Variants in GPATCH2 observed in about 807,000 individuals in gnomAD.
GPATCH2 encodes the protein G patch domain-containing protein 2.
In GPATCH2, 51 loss-of-function variants were observed where a neutral mutation model predicts 58.0. That is an observed-to-expected ratio of 0.88 (90% CI 0.70 to 1.11). GPATCH2 has a LOEUF of 1.11. Among genes scored for constraint, GPATCH2 ranks in the 50% most tolerant of loss-of-function variants. The pLI is 0.00. For missense variants in GPATCH2, 625 were observed against 652.2 expected, an observed-to-expected ratio of 0.96 and a Z score of 0.45; for synonymous variants, 222 against 218.5, an observed-to-expected ratio of 1.02 and a Z score of -0.14.
chr1:217,573,034 G>A (rs533462118), intron 5 of GPATCH2, among the ~76,000 whole-genome samples: 13 of 152,242 alleles, frequency 8.5e-5, no homozygotes, highest in East Asian at 5.8e-4. Context: ...AAGGAAGTCC[G>A]ACACAAAAGT....
intron 5 of GPATCH2, among the ~76,000 whole-genome samples, chr1:217,517,930 T>C (rs1217346540): frequency 3.9e-5 from 6 of 152,146 alleles, no homozygotes; most frequent in East Asian, 1.9e-4. Context: ...ACAATCCAAT[T>C]CTTATAATTG....
chr1:217,558,313 T>C (rs1334236488), intron 5 of GPATCH2, among the ~76,000 whole-genome samples: 1 of 152,168 alleles, frequency 6.6e-6, no homozygotes, highest in Non-Finnish European at 1.5e-5. Flanking sequence ...AAATGTAGTG[T>C]ATACTAAATA....
At chr1:217,575,398 T>C (rs1178141856) in intron 5 of GPATCH2, among the ~76,000 whole-genome samples, 1 of 152,186 alleles carries the variant, frequency 6.6e-6, no homozygotes, top group African/African-American at 2.4e-5. Flanking sequence ...TCTAGGTTTA[T>C]GTCAATTTTG....
At chr1:217,485,025 T>C (rs1469423561) in intron 8 of GPATCH2, among the ~76,000 whole-genome samples, 1 of 152,136 alleles carries the variant, frequency 6.6e-6, no homozygotes, top group Non-Finnish European at 1.5e-5. Context: ...GCTCATGTGA[T>C]TATGGAGGCT....
chr1:217,504,203 A>T (rs1300590633), intron 6 of GPATCH2, among the ~76,000 whole-genome samples: 1 of 152,168 alleles, frequency 6.6e-6, no homozygotes, highest in Non-Finnish European at 1.5e-5. Flanking sequence ...ACCCAGGAGT[A>T]AAAAAGGAAT....
chr1:217,541,639 A>C (rs958265325), intron 5 of GPATCH2, among the ~76,000 whole-genome samples: 2 of 152,220 alleles, frequency 1.3e-5, no homozygotes, highest in African/African-American at 4.8e-5. Flanking sequence ...AAATCATAAA[A>C]ATTAAGCTTC....
chr1:217,528,724 G>A (rs553027724), intron 5 of GPATCH2, among the ~76,000 whole-genome samples: 1 of 152,288 alleles, frequency 6.6e-6, no homozygotes, highest in Non-Finnish European at 1.5e-5. Flanking sequence ...TAAAAATGCT[G>A]CATTTGTGGA....
At chr1:217,568,041 C>T (rs1000067868) in intron 5 of GPATCH2, among the ~76,000 whole-genome samples, 1 of 152,108 alleles carries the variant, frequency 6.6e-6, no homozygotes, top group Admixed American at 6.6e-5. Flanking sequence ...GGTGTGAACC[C>T]AGGAGGCGGA....
chr1:217,509,874 G>A (rs998189810), intron 6 of GPATCH2, among the ~76,000 whole-genome samples: 1 of 152,110 alleles, frequency 6.6e-6, no homozygotes, highest in African/African-American at 2.4e-5. Context: ...GATAAATACT[G>A]TAATCAAGTA....
intron 3 of GPATCH2, among the ~76,000 whole-genome samples, chr1:217,612,885 A>T (rs1271491614): frequency 6.6e-6 from 1 of 152,166 alleles, no homozygotes; most frequent in African/African-American, 2.4e-5. Context: ...TCTCAAAGGG[A>T]TTTTAAGAAT....
chr1:217,607,479 T>TTA (rs1462929482), intron 5 of GPATCH2, among the ~76,000 whole-genome samples: 1 of 152,164 alleles, frequency 6.6e-6, no homozygotes, highest in Non-Finnish European at 1.5e-5. Context: ...GGGATGTGCC[T>TTA]TATAGAGAAA....
chr1:217,499,623 A>G (rs1452663468), intron 6 of GPATCH2, among the ~76,000 whole-genome samples: 1 of 152,122 alleles, frequency 6.6e-6, no homozygotes, highest in Non-Finnish European at 1.5e-5. Context: ...GGGAATGTAC[A>G]TTTATTGGTA....
intron 1 of GPATCH2, among the ~76,000 whole-genome samples, chr1:217,627,961 T>G (rs1212253569): frequency 6.6e-6 from 1 of 152,116 alleles, no homozygotes; most frequent in Non-Finnish European, 1.5e-5. Context: ...TAATTCATTA[T>G]AGCTCTTGTC....
intron 6 of GPATCH2, among the ~76,000 whole-genome samples, chr1:217,499,835 A>G (rs1173013077): frequency 6.6e-6 from 1 of 151,904 alleles, no homozygotes; most frequent in Non-Finnish European, 1.5e-5. Flanking sequence ...TTCTTGTTCC[A>G]TCTATCCTGA....
chr1:217,473,419 A>T (rs144628795), intron 8 of GPATCH2, among the ~76,000 whole-genome samples: 4,797 of 152,046 alleles, frequency 0.032, 148 homozygotes, highest in African/African-American at 0.076. Context: ...TAGTTTTTTT[A>T]AAAAAATAAC....
In GPATCH2 at chr1:217,471,615, T is replaced by A. The variant is rs553881418; in HGVS notation, c.1277+20065A>T. The stretch of plus-strand genomic sequence containing the variant: ...CATATAAAAACAAACGTGTTCTGTA[T>A]TAATGTAAATAGGAATGTTCTTTCT... On this transcript the variant is annotated intron_variant, in intron 8 of 9. Coordinates refer to ENST00000366935, the MANE Select transcript of GPATCH2 (RefSeq NM_018040.5). 2.6e-5 allele frequency among the ~76,000 whole-genome samples: 4 copies of A among 152,332 alleles called. No homozygotes were observed. In the South Asian group the frequency reaches 6.2e-4, roughly 24 times the overall value.
intron 5 of GPATCH2, among the ~76,000 whole-genome samples, chr1:217,557,233 C>T (rs1243538942): frequency 6.6e-6 from 1 of 151,840 alleles, no homozygotes; most frequent in Admixed American, 6.6e-5. Context: ...GTGGTGAAAC[C>T]CCGTCTCTAC....
At chr1:217,482,689 A>G (rs888243533) in intron 8 of GPATCH2, among the ~76,000 whole-genome samples, 1 of 152,200 alleles carries the variant, frequency 6.6e-6, no homozygotes, top group African/African-American at 2.4e-5. Flanking sequence ...GAAAGCCACT[A>G]AAGATTTTAT....
intron 8 of GPATCH2, among the ~76,000 whole-genome samples, chr1:217,474,177 A>T (rs1660868511): frequency 6.6e-6 from 1 of 152,210 alleles, no homozygotes; most frequent in African/African-American, 2.4e-5. Context: ...ATGAGAAGCA[A>T]GTTAAGAAAT....
Sources: allele counts gnomAD v4.1 joint callset (sites outside exome capture counted in the v4.1 genomes callset), GRCh38; gene constraint gnomAD v4.1.1; transcripts MANE v1.5; gene names NCBI Gene and HGNC (gene_info 2026-07-23, HGNC 2026-07-21).